Variants in GULP1 observed in about 807,000 individuals in gnomAD.
GULP1 encodes the protein PTB domain-containing engulfment adapter protein 1.
Under a neutral mutation model 40.9 loss-of-function variants are expected in GULP1, and 19 were observed. The ratio of observed to expected loss-of-function variants is 0.46; its 90% confidence interval spans 0.32 to 0.68. The LOEUF (loss-of-function observed/expected upper bound fraction) is 0.68, where lower values mean the gene tolerates loss of function less well. Ranked by LOEUF, GULP1 falls within the 30% of genes least tolerant of loss-of-function variation. GULP1 has a pLI of 0.03. For missense variants in GULP1, 312 were observed against 362.2 expected, an observed-to-expected ratio of 0.86 and a Z score of 1.12; for synonymous variants, 119 against 117.6, an observed-to-expected ratio of 1.01 and a Z score of -0.08.
intron 3 of GULP1, among the ~76,000 whole-genome samples, chr2:188,477,966 C>T (rs959077057): frequency 5.9e-5 from 9 of 152,048 alleles, no homozygotes; most frequent in African/African-American, 4.8e-5. Context: ...GATAATATGT[C>T]GCCTGGCAAC....
intron 2 of GULP1, among the ~76,000 whole-genome samples, chr2:188,456,669 C>T (rs1201470208): frequency 6.6e-6 from 1 of 152,146 alleles, no homozygotes; most frequent in Non-Finnish European, 1.5e-5. Flanking sequence ...GTGAGAGTTC[C>T]CACACAGAGT....
At chr2:188,327,347 G>C (rs1193865132) in intron 1 of GULP1, among the ~76,000 whole-genome samples, 3 of 152,276 alleles carry the variant, frequency 2.0e-5, no homozygotes, top group East Asian at 1.9e-4. Context: ...ACAAGGCTCT[G>C]CTCTGCTTGT....
At chr2:188,375,134 A>G (rs2048136295) in intron 1 of GULP1, among the ~76,000 whole-genome samples, 2 of 152,148 alleles carry the variant, frequency 1.3e-5, no homozygotes, top group African/African-American at 4.8e-5. Flanking sequence ...ACAGCAGACA[A>G]ATTTGTATAT....
chr2:188,568,906 G>T (rs1011618420), intron 7 of GULP1, among the ~76,000 whole-genome samples: 1 of 152,098 alleles, frequency 6.6e-6, no homozygotes, highest in Non-Finnish European at 1.5e-5. Context: ...TTGAGAAAGG[G>T]AGAAAAACAA....
intron 4 of GULP1, among the ~76,000 whole-genome samples, chr2:188,499,735 C>T (rs1314404582): frequency 6.6e-6 from 1 of 151,668 alleles, no homozygotes; most frequent in African/African-American, 2.4e-5. Flanking sequence ...TCTGTCTTCT[C>T]TAGTTTCAGA....
chr2:188,431,315 G>T (rs1164038050), intron 2 of GULP1, among the ~76,000 whole-genome samples: 1 of 152,042 alleles, frequency 6.6e-6, no homozygotes, highest in African/African-American at 2.4e-5. Flanking sequence ...TGTTACAGGA[G>T]CCAACAAAAG....
intron 4 of GULP1, among the ~76,000 whole-genome samples, chr2:188,486,769 T>C (rs1463022685): frequency 2.0e-5 from 3 of 151,968 alleles, no homozygotes; most frequent in African/African-American, 7.2e-5. Flanking sequence ...TAATGTGCAG[T>C]GACAGCATTA....
intron 4 of GULP1, among the ~76,000 whole-genome samples, chr2:188,485,626 T>G (rs1213404955): frequency 6.6e-6 from 1 of 151,920 alleles, no homozygotes; most frequent in East Asian, 1.9e-4. Flanking sequence ...AAATACAGAC[T>G]CTAGAGCTAG....
intron 2 of GULP1, among the ~76,000 whole-genome samples, chr2:188,436,302 A>C (rs2057400574): frequency 6.6e-6 from 1 of 152,074 alleles, no homozygotes; most frequent in Non-Finnish European, 1.5e-5. Context: ...CATCATGATT[A>C]CCTTTCCCTA....
chr2:188,471,651 A>G (rs903627211), intron 2 of GULP1, among the ~76,000 whole-genome samples: 2 of 152,254 alleles, frequency 1.3e-5, no homozygotes, highest in African/African-American at 4.8e-5. Flanking sequence ...AAGCAAAAAT[A>G]AATGAAATAA....
In GULP1 at chr2:188,310,105, C is replaced by T. The variant is rs539944072; in HGVS notation, c.-172+17939C>T. On this transcript the variant is annotated intron_variant, in intron 1 of 11. Coordinates refer to ENST00000409830, the MANE Select transcript of GULP1 (RefSeq NM_016315.4). Reference sequence around the variant, plus strand: ...AATTTCTGTGACTTCATTTACTCCCCAACTCTGCTACATTTCCTAAGTGTT... The same window carrying T: ...AATTTCTGTGACTTCATTTACTCCCTAACTCTGCTACATTTCCTAAGTGTT... Among the ~76,000 whole-genome samples, 209 of 152,226 alleles carry T rather than the reference C, an allele frequency of 1.4e-3. 1 individual carries two copies. Among genetic ancestry groups the T allele is most frequent in the African/African-American group, 4.6e-3 (191 of 41,548 alleles).
At chr2:188,535,714 C>A (rs1309928769) in intron 6 of GULP1, among the ~76,000 whole-genome samples, 1 of 151,972 alleles carries the variant, frequency 6.6e-6, no homozygotes, top group Non-Finnish European at 1.5e-5. Flanking sequence ...GTATGTATAC[C>A]CAGTAACAGG....
chr2:188,337,181 C>A (rs1177143406), intron 1 of GULP1, among the ~76,000 whole-genome samples: 2 of 151,694 alleles, frequency 1.3e-5, no homozygotes, highest in African/African-American at 4.8e-5. Context: ...TTCTGTCATC[C>A]AGGCTGGAGT....
At chr2:188,536,653 C>T (rs766502933) in intron 6 of GULP1, among the ~76,000 whole-genome samples, 4 of 152,034 alleles carry the variant, frequency 2.6e-5, no homozygotes, top group African/African-American at 4.8e-5. Context: ...TAAAATTGCT[C>T]TGGCTATTCA....
intron 2 of GULP1, among the ~76,000 whole-genome samples, 185 bp downstream of exon 2, chr2:188,384,074 G>T (rs545287269): frequency 2.2e-4 from 34 of 152,152 alleles, no homozygotes; most frequent in African/African-American, 7.9e-4. Flanking sequence ...AATAACTTCT[G>T]TCATCATTTT....
intron 7 of GULP1, among the ~76,000 whole-genome samples, chr2:188,556,831 C>T (rs938581389): frequency 3.3e-5 from 5 of 151,874 alleles, no homozygotes; most frequent in Admixed American, 2.0e-4. Context: ...GTCAGGAGAT[C>T]GAGACCACGG....
intron 1 of GULP1, among the ~76,000 whole-genome samples, chr2:188,329,843 G>A (rs967756772): frequency 2.0e-5 from 3 of 152,086 alleles, no homozygotes; most frequent in South Asian, 4.1e-4. Context: ...GATGGATATA[G>A]GATATTAAGA....
intron 4 of GULP1, among the ~76,000 whole-genome samples, chr2:188,513,540 T>C (rs2064829523): frequency 6.6e-6 from 1 of 152,162 alleles, no homozygotes; most frequent in Non-Finnish European, 1.5e-5. Flanking sequence ...TAATGTGCAA[T>C]ATTTTTAAGA....
rs755902053 is a variant in GULP1 at position 188,584,352 on chromosome 2, A to C, written c.697A>C (p.Thr233Pro). The change falls in exon 10 of 12, where the codon ACT becomes CCT. Residue 233 changes from threonine (T) to proline (P), a missense_variant. Thr to Pro is a conservative substitution (Grantham distance 38, BLOSUM62 -1). Coordinates refer to ENST00000409830, the MANE Select transcript of GULP1 (RefSeq NM_016315.4). Reference protein sequence around the residue: ...SPISHQSSMPTRNGTQPPPVP... With the variant: ...SPISHQSSMPPRNGTQPPPVP... ...AATATCACACCAGTCTTCGATGCCTACTCGCAATGGCACACAGCCACCTCC... is the reference window on the plus strand; with the variant it reads ...AATATCACACCAGTCTTCGATGCCTCCTCGCAATGGCACACAGCCACCTCC... 2 of 1,606,316 alleles carry C rather than the reference A, an allele frequency of 1.2e-6. No individual in the cohort carries two copies. The highest frequency in any genetic ancestry group is 1.7e-5 in the Admixed American group (1 of 59,986).
Sources: allele counts gnomAD v4.1 joint callset (sites outside exome capture counted in the v4.1 genomes callset), GRCh38; gene constraint gnomAD v4.1.1; transcripts MANE v1.5; gene names NCBI Gene and HGNC (gene_info 2026-07-23, HGNC 2026-07-21).